PDPR: variants seen among roughly 807,000 people sequenced by gnomAD.
The protein encoded by PDPR is pyruvate dehydrogenase phosphatase regulatory subunit, mitochondrial.
A neutral mutation model predicts 102.2 loss-of-function variants in PDPR; 50 were observed. The ratio of observed to expected loss-of-function variants is 0.49; its 90% CI spans 0.39 to 0.62. The LOEUF (loss-of-function observed/expected upper bound fraction) is 0.62, where lower values mean the gene tolerates loss of function less well. PDPR is among the 20% of genes least tolerant of loss of function. PDPR has a pLI of 0.00. For synonymous variants in PDPR, 259 were observed against 406.0 expected, an observed-to-expected ratio of 0.64 and a Z score of 4.35; for missense variants, 625 against 1,098.2, an observed-to-expected ratio of 0.57 and a Z score of 6.09.
intron 18 of PDPR, 108 bp from the exon 19 acceptor site, chr16:70,156,367 C>T (rs577808173): frequency 1.0e-4 from 135 of 1,341,948 alleles, no homozygotes; most frequent in East Asian, 6.7e-4. Context: ...TGGGAGGAGG[C>T]GGCTGTGCCC....
intron 1 of PDPR, 55 bp from the exon 2 acceptor site, chr16:70,114,762 ACACC>A (rs1962468998): frequency 6.6e-6 from 1 of 152,292 alleles, no homozygotes; most frequent in Admixed American, 6.5e-5. Flanking sequence ...TCGGGCTTGC[ACACC>A]CCTGCGGCGC....
intron 3 of PDPR, among the ~76,000 whole-genome samples, chr16:70,125,364 A>T (rs1398820517): frequency 2.0e-5 from 3 of 151,394 alleles, no homozygotes; most frequent in African/African-American, 7.3e-5. Context: ...TGACGAGCAA[A>T]ACTCCGTCTC....
intron 9 of PDPR, among the ~76,000 whole-genome samples, chr16:70,132,506 T>C (rs1331137422): frequency 6.6e-6 from 1 of 152,260 alleles, no homozygotes; most frequent in Non-Finnish European, 1.5e-5. Context: ...TTAATAGACA[T>C]TTGCCTTATT....
intron 3 of PDPR, among the ~76,000 whole-genome samples, chr16:70,126,158 C>T: frequency 6.6e-6 from 1 of 152,382 alleles, no homozygotes; most frequent in African/African-American, 2.4e-5. Flanking sequence ...TACATAAAGA[C>T]CTTTTCATTC....
chr16:70,157,281 A>G lies in PDPR; in HGVS notation c.*402A>G. Reference sequence around the variant, plus strand: ...CACGAGTCCCTCTCCCTTGGGTTCCATTTTCTTGGAGCAGCCTATTAGTTC... The same window carrying G: ...CACGAGTCCCTCTCCCTTGGGTTCCGTTTTCTTGGAGCAGCCTATTAGTTC... On this transcript the variant is annotated 3_prime_UTR_variant, in exon 19 of 19. Transcript: ENST00000288050. The G allele has an allele frequency of 2.2e-6, 1 of 457,740 alleles. No homozygotes were observed. The highest frequency in any genetic ancestry group is 4.3e-6 in the Non-Finnish European group (1 of 232,946). 28.4% of individuals were successfully genotyped at this position (457,740 alleles called of 1,614,324 possible).
chr16:70,152,411 C>T (rs527763738), intron 17 of PDPR, among the ~76,000 whole-genome samples: 36 of 152,370 alleles, frequency 2.4e-4, no homozygotes, highest in African/African-American at 8.4e-4. Context: ...ACCAGCTACT[C>T]GGGAGGCTGA....
intron 10 of PDPR, among the ~76,000 whole-genome samples, chr16:70,138,679 G>T (rs896836865): frequency 6.6e-6 from 1 of 152,256 alleles, no homozygotes; most frequent in African/African-American, 2.4e-5. Flanking sequence ...ACCTCCTAGG[G>T]AATCTTATCA....
intron 16 of PDPR, chr16:70,147,754 C>T (rs1450829921): frequency 1.7e-5 from 6 of 363,414 alleles, no homozygotes; most frequent in Non-Finnish European, 2.7e-5. Context: ...CCTTCTTCTC[C>T]GAGGCAAAGT....
At position 70,162,084 on chromosome 16, in the gene PDPR, A is replaced by C. The variant is rs1050648944; in HGVS notation, c.*5205A>C. 1 of 152,392 alleles carries C rather than the reference A, an allele frequency of 6.6e-6. No individual in the cohort carries two copies. Among genetic ancestry groups the C allele is most frequent in the African/African-American group, 2.4e-5 (1 of 41,432 alleles). 9.4% of individuals were successfully genotyped at this position (152,392 alleles called of 1,614,324 possible). A position where few individuals can be genotyped will look rare whatever the true frequency, so the allele number is the denominator to read the frequency against. On this transcript the variant is annotated 3_prime_UTR_variant, in exon 19 of 19. Transcript: ENST00000288050. Reference sequence around the variant, plus strand: ...CAGATTGGAAGAAAGAGAAAAGTTCATCTCGGTGTGTGGGTTCCCATCCGC... The same window carrying C: ...CAGATTGGAAGAAAGAGAAAAGTTCCTCTCGGTGTGTGGGTTCCCATCCGC...
At chr16:70,143,465 G>C in intron 13 of PDPR, 45 bp from the exon 14 acceptor site, 1 of 1,603,850 alleles carries the variant, frequency 6.2e-7, no homozygotes, top group African/African-American at 1.3e-5. Flanking sequence ...GCCCAGCCAG[G>C]TGCTCTCACG....
intron 17 of PDPR, among the ~76,000 whole-genome samples, chr16:70,150,503 A>G (rs1317440251): frequency 1.3e-5 from 2 of 150,428 alleles, no homozygotes; most frequent in African/African-American, 4.9e-5. Context: ...TGTTAGTCAT[A>G]CTACTTGTAG....
At chr16:70,132,655 T>G (rs1004590510) in intron 9 of PDPR, among the ~76,000 whole-genome samples, 1 of 132,668 alleles carries the variant, frequency 7.5e-6, no homozygotes, top group African/African-American at 2.9e-5. Flanking sequence ...AGCTTTTTTT[T>G]TTTCTTCTTT....
chr16:70,145,295 G>C (rs1351942868), intron 15 of PDPR, among the ~76,000 whole-genome samples: 2 of 152,212 alleles, frequency 1.3e-5, no homozygotes, highest in African/African-American at 4.8e-5. Context: ...CCGCCACCAC[G>C]CCGGGCTAAT....
In PDPR at chr16:70,145,562, C is replaced by T. The variant is rs1966170800; in HGVS notation, c.1868-572C>T. 4.6e-5 allele frequency among the ~76,000 whole-genome samples: 7 copies of T among 152,246 alleles called. No individual in the cohort carries two copies. In the South Asian group the frequency reaches 1.4e-3, roughly 31 times the overall value. On this transcript the variant is annotated intron_variant, in intron 15 of 18. Transcript: ENST00000288050. Reference sequence around the variant, plus strand: ...CCCCTTGGCCCCACCAGCGTTTGCTCTCCCAGGCTCTCATTCTCAATTCCT... The same window carrying T: ...CCCCTTGGCCCCACCAGCGTTTGCTTTCCCAGGCTCTCATTCTCAATTCCT...
At chr16:70,153,315 C>T (rs1252087928) in intron 17 of PDPR, 76 bp from the exon 18 acceptor site, 52 of 1,428,192 alleles carry the variant, frequency 3.6e-5, no homozygotes, top group Non-Finnish European at 4.7e-5. Flanking sequence ...TAGTGTGAGC[C>T]ATCAGCGCTT....
chr16:70,114,198 A>C (rs1962390226), upstream of PDPR: 1 of 152,194 alleles, frequency 6.6e-6, no homozygotes, highest in Admixed American at 6.5e-5. Context: ...GGGCTCCGCG[A>C]AGGCGTCACG....
rs1376708924 is a variant in PDPR at position 70,159,579 on chromosome 16, G to A, written c.*2700G>A. On this transcript the variant is annotated 3_prime_UTR_variant, in exon 19 of 19. Transcript: ENST00000288050. ...GGTGGTTTTCTGTGATTGGTCTAAT[G>A]TGAGCTCTTTGAACAGACAGATCTG... 1 of 153,060 alleles carries A rather than the reference G, an allele frequency of 6.5e-6. No homozygotes were observed. Among genetic ancestry groups the A allele is most frequent in the Non-Finnish European group, 1.5e-5 (1 of 68,656 alleles). The allele number at this position is 153,060 out of a possible 1,614,324, so 9.5% of individuals were successfully genotyped here.
chr16:70,151,084 G>T (rs997660684), intron 17 of PDPR, among the ~76,000 whole-genome samples: 1 of 152,238 alleles, frequency 6.6e-6, no homozygotes, highest in Non-Finnish European at 1.5e-5. Context: ...ACAGGCACAC[G>T]CCACCACACT....
In PDPR at chr16:70,119,403, A is replaced by C. The variant is rs2082079969; in HGVS notation, c.-32-1058A>C. Among the ~76,000 whole-genome samples, 6 of 151,168 alleles carry C rather than the reference A, an allele frequency of 4.0e-5. No individual in the cohort carries two copies. The South Asian group carries it at 1.1e-3, about 26-fold the overall frequency. ...ATCATTTCATTCCCCTGCTAGTGAT[A>C]CTCCCGCATGAGTGATTTTCCTTTG... On this transcript the variant is annotated intron_variant, in intron 2 of 18. Transcript: ENST00000288050.
Sources: gnomAD v4.1 joint callset for allele counts (sites outside exome capture counted in the v4.1 genomes callset) on GRCh38, gnomAD v4.1.1 for gene constraint, MANE v1.5 for transcripts, NCBI Gene and HGNC (gene_info 2026-07-23, HGNC 2026-07-21) for gene names.